The following CTNNA2 variants were observed in gnomAD, a reference collection of about 807,000 sequenced individuals.
The protein encoded by CTNNA2 is catenin alpha 2, also known as catenin alpha-2.
In CTNNA2, 42 loss-of-function variants were observed where a neutral mutation model predicts 101.0. That is an observed-to-expected ratio of 0.42 (90% CI 0.32 to 0.54). The LOEUF (loss-of-function observed/expected upper bound fraction) is 0.54, where lower values mean the gene tolerates loss of function less well. Ranked by LOEUF, CTNNA2 falls within the 20% of genes least tolerant of loss-of-function variation. CTNNA2 has a pLI of 0.14. For synonymous variants in CTNNA2, 450 were observed against 456.4 expected, an observed-to-expected ratio of 0.99 and a Z score of 0.18; for missense variants, 871 against 1,223.1, an observed-to-expected ratio of 0.71 and a Z score of 4.29.
chr2:80,008,448 A>G (rs1019205568), intron 7 of CTNNA2, among the ~76,000 whole-genome samples: 2 of 152,202 alleles, frequency 1.3e-5, no homozygotes, highest in Non-Finnish European at 2.9e-5. Context: ...GGGTGGCTGC[A>G]TTGGTAGATA....
At chr2:79,189,784 G>A (rs1673827748) in intron 1 of CTNNA2, among the ~76,000 whole-genome samples, 1 of 152,124 alleles carries the variant, frequency 6.6e-6, no homozygotes. Context: ...CCTTTCAAAA[G>A]GATAGCTCCC....
chr2:80,194,913 C>G (rs569647833), intron 7 of CTNNA2, among the ~76,000 whole-genome samples: 6 of 151,738 alleles, frequency 4.0e-5, no homozygotes, highest in Non-Finnish European at 5.9e-5. Flanking sequence ...GAAGAACAAG[C>G]GATATTCAGA....
At chr2:79,546,139 T>C (rs1312788165) in intron 1 of CTNNA2, among the ~76,000 whole-genome samples, 1 of 152,142 alleles carries the variant, frequency 6.6e-6, no homozygotes, top group African/African-American at 2.4e-5. Flanking sequence ...GTTAGCCTTG[T>C]ACAGTGAGTG....
chr2:80,297,573 G>A (rs930761553), intron 7 of CTNNA2, among the ~76,000 whole-genome samples: 1 of 152,132 alleles, frequency 6.6e-6, no homozygotes, highest in Non-Finnish European at 1.5e-5. Flanking sequence ...GTGTCCAGTT[G>A]AGCAAGGCCA....
chr2:79,240,149 C>T (rs749362435), intron 2 of CTNNA2, among the ~76,000 whole-genome samples: 5 of 151,470 alleles, frequency 3.3e-5, no homozygotes, highest in Non-Finnish European at 7.4e-5. Flanking sequence ...CTCAAGTGAC[C>T]CACCCACCTC....
intron 3 of CTNNA2, among the ~76,000 whole-genome samples, chr2:79,837,148 G>A (rs114793673): frequency 0.011 from 1,712 of 152,282 alleles, 23 homozygotes; most frequent in East Asian, 0.039. Context: ...AGTTTATTAA[G>A]TATTAACTCA....
chr2:80,353,076 T>G (rs547319145), intron 7 of CTNNA2, among the ~76,000 whole-genome samples: 5 of 152,268 alleles, frequency 3.3e-5, no homozygotes, highest in Admixed American at 2.0e-4. Context: ...CCAAGAAACC[T>G]AGTTCATCTT....
intron 9 of CTNNA2, among the ~76,000 whole-genome samples, chr2:80,438,439 GT>G (rs1470594942): frequency 6.7e-6 from 1 of 149,340 alleles, no homozygotes; most frequent in Non-Finnish European, 1.5e-5. Context: ...GTTTTGTTTT[GT>G]TTTGTTTTTG....
chr2:79,531,195 CATATATAT>C (rs34087238), intron 1 of CTNNA2, among the ~76,000 whole-genome samples: 8,638 of 109,950 alleles, frequency 0.079, 387 homozygotes, highest in Non-Finnish European at 0.11. Context: ...TAGATACGCT[CATATATAT>C]ATATATATAT....
At chr2:80,500,659 A>G (rs995169479) in intron 9 of CTNNA2, among the ~76,000 whole-genome samples, 5 of 152,134 alleles carry the variant, frequency 3.3e-5, no homozygotes, top group African/African-American at 1.2e-4. Context: ...TGTGCCTTAT[A>G]CTTCCTTTTC....
chr2:80,375,564 T>TC (rs1476215625), intron 7 of CTNNA2, among the ~76,000 whole-genome samples: 2 of 129,646 alleles, frequency 1.5e-5, no homozygotes, highest in East Asian at 2.8e-4. Context: ...TCTGGCTTCT[T>TC]TTTTTTTTTT....
intron 2 of CTNNA2, among the ~76,000 whole-genome samples, chr2:79,674,587 A>T (rs1403638196): frequency 6.6e-6 from 1 of 152,216 alleles, no homozygotes; most frequent in African/African-American, 2.4e-5. Context: ...TAGGGAACTT[A>T]AAAAAGTTAT....
chr2:80,207,695 TAA>T (rs1305452709), intron 7 of CTNNA2, among the ~76,000 whole-genome samples: 1 of 152,122 alleles, frequency 6.6e-6, no homozygotes, highest in Non-Finnish European at 1.5e-5. Context: ...TGGTTTTATA[TAA>T]GTGTTTGGAG....
At chr2:79,298,543 C>T (rs748742660) in intron 2 of CTNNA2, among the ~76,000 whole-genome samples, 1 of 152,208 alleles carries the variant, frequency 6.6e-6, no homozygotes, top group Non-Finnish European at 1.5e-5. Flanking sequence ...ATGGTTCCAT[C>T]TCAACCTCTC....
intron 7 of CTNNA2, among the ~76,000 whole-genome samples, chr2:80,377,419 A>G (rs1053669187): frequency 5.3e-5 from 8 of 152,134 alleles, no homozygotes; most frequent in African/African-American, 1.4e-4. Context: ...TTTTACCATA[A>G]TCTTGGGTTA....
chr2:79,617,958 C>T (rs1488955048), intron 1 of CTNNA2, among the ~76,000 whole-genome samples: 2 of 152,154 alleles, frequency 1.3e-5, no homozygotes, highest in Non-Finnish European at 2.9e-5. Flanking sequence ...TTTGTCTCTG[C>T]AACCAGAGAC....
chr2:79,982,286 A>AAC (rs1278508139), intron 7 of CTNNA2, among the ~76,000 whole-genome samples: 2,521 of 138,622 alleles, frequency 0.018, 145 homozygotes, highest in African/African-American at 0.066. Context: ...TAATATATAT[A>AAC]ACATATATAA....
At chr2:79,644,070 C>T (rs62140105) in intron 1 of CTNNA2, among the ~76,000 whole-genome samples, 8,353 of 152,150 alleles carry the variant, frequency 0.055, 301 homozygotes, top group Non-Finnish European at 0.073. Context: ...TGGAGTCTCT[C>T]CCTGTCACCC....
chr2:79,817,987 C>G (rs780959915), intron 3 of CTNNA2, among the ~76,000 whole-genome samples: 1 of 152,150 alleles, frequency 6.6e-6, no homozygotes, highest in Admixed American at 6.5e-5. Flanking sequence ...TTTACCATTT[C>G]GCATATTGGG....
Sources: gnomAD v4.1 joint callset for allele counts (sites outside exome capture counted in the v4.1 genomes callset) on GRCh38, gnomAD v4.1.1 for gene constraint, MANE v1.5 for transcripts, NCBI Gene and HGNC (gene_info 2026-07-23, HGNC 2026-07-21) for gene names.